The following SDHB variants were observed in gnomAD, a reference collection of about 807,000 sequenced individuals.
SDHB encodes succinate dehydrogenase complex iron sulfur subunit B, also known as succinate dehydrogenase [ubiquinone] iron-sulfur subunit, mitochondrial.
In SDHB, 21 loss-of-function variants were observed where a neutral mutation model predicts 39.7. The observed-to-expected ratio is 0.53, with a 90% confidence interval of 0.37 to 0.76. SDHB has a LOEUF of 0.76. Among genes scored for constraint, SDHB ranks in the 30% least tolerant of loss-of-function variants. The pLI, the probability that SDHB is intolerant of heterozygous loss-of-function variation, is 0.00. For missense variants in SDHB, 343 were observed against 350.9 expected, an observed-to-expected ratio of 0.98 and a Z score of 0.18; for synonymous variants, 118 against 117.0, an observed-to-expected ratio of 1.01 and a Z score of -0.06.
At chr1:17,043,043 C>A (rs4920290) in intron 2 of SDHB, among the ~76,000 whole-genome samples, 22,206 of 134,264 alleles carry the variant, frequency 0.17, 2,519 homozygotes, top group African/African-American at 0.34. Context: ...CTCACTGCAA[C>A]CTCCGCCTCC....
In SDHB at chr1:17,054,005, G is replaced by C. The variant is rs1182998682; in HGVS notation, c.15C>G (p.Val5=). Residue 5 remains valine, a synonymous_variant, in exon 1 of 8, where the codon GTC becomes GTG. Transcript: ENST00000375499. Reference sequence around the variant, plus strand: ...GCAACCGGCGCCTCAAGGAGAGGGCGACCACCGCCGCCATCTTGGCTCCTG... The same window carrying C: ...GCAACCGGCGCCTCAAGGAGAGGGCCACCACCGCCGCCATCTTGGCTCCTG... MAAV[V]ALSLRRRLPA... 1 of 1,610,660 alleles carries C rather than the reference G, an allele frequency of 6.2e-7. No individual in the cohort carries two copies.
intron 1 of SDHB, among the ~76,000 whole-genome samples, chr1:17,053,297 T>C (rs2078158741): frequency 6.6e-6 from 1 of 152,150 alleles, no homozygotes; most frequent in Non-Finnish European, 1.5e-5. Context: ...CGTATTATTA[T>C]ATGACCTTTA....
At chr1:17,020,431 A>G (rs780739879) in intron 7 of SDHB, among the ~76,000 whole-genome samples, 3 of 152,150 alleles carry the variant, frequency 2.0e-5, no homozygotes, top group Non-Finnish European at 4.4e-5. Flanking sequence ...TGATCGGCCT[A>G]TGTCTATGTC....
chr1:17,049,334 G>A (rs2078131679), intron 1 of SDHB, among the ~76,000 whole-genome samples: 1 of 151,212 alleles, frequency 6.6e-6, no homozygotes. Context: ...GTCTCATTCT[G>A]TTGCTCAGGC....
intron 1 of SDHB, among the ~76,000 whole-genome samples, chr1:17,046,268 A>G (rs984298887): frequency 1.3e-5 from 2 of 152,164 alleles, no homozygotes; most frequent in East Asian, 3.8e-4. Context: ...TGAACATCTA[A>G]TGCCACCTTG....
At chr1:17,052,440 C>T (rs992065519) in intron 1 of SDHB, 10 of 152,292 alleles carry the variant, frequency 6.6e-5, no homozygotes, top group African/African-American at 2.2e-4. Context: ...TTCTGTTGCC[C>T]TCAGGAGGCC....
intron 7 of SDHB, 130 bp downstream of exon 7, chr1:17,022,478 C>T: frequency 2.4e-6 from 3 of 1,275,652 alleles, no homozygotes; most frequent in Non-Finnish European, 3.4e-6. Context: ...ACTGAAAGGA[C>T]AGGCATATGC....
intron 1 of SDHB, among the ~76,000 whole-genome samples, chr1:17,053,425 T>A (rs557945197): frequency 6.6e-5 from 10 of 152,088 alleles, no homozygotes; most frequent in African/African-American, 2.4e-4. Context: ...GGGGGCTGGG[T>A]GCATTTCCCT....
chr1:17,035,677 G>A lies in SDHB; in HGVS notation c.201-2532C>T, dbSNP rs370977397. 1.8e-4 allele frequency among the ~76,000 whole-genome samples: 28 copies of A among 151,968 alleles called. No individual in the cohort carries two copies. In the South Asian group the frequency reaches 2.1e-3, roughly 11 times the overall value. On this transcript the variant is annotated intron_variant, in intron 2 of 7. Coordinates refer to ENST00000375499, the MANE Select transcript of SDHB (RefSeq NM_003000.3). ...GGAGATTGAGACCATCCTGGCTAAC[G>A]TGGTGAAACCGTCTCTACTAAAAAT...
At chr1:17,038,926 G>C (rs2078063981) in intron 2 of SDHB, among the ~76,000 whole-genome samples, 1 of 151,872 alleles carries the variant, frequency 6.6e-6, no homozygotes, top group Non-Finnish European at 1.5e-5. Flanking sequence ...CAATCAAATG[G>C]GTTTTCCCCC....
At chr1:17,026,790 A>G (rs1204906279) in intron 5 of SDHB, among the ~76,000 whole-genome samples, 8 of 152,096 alleles carry the variant, frequency 5.3e-5, no homozygotes, top group Non-Finnish European at 1.0e-4. Flanking sequence ...ATATATGTAT[A>G]TGTTTTAGAG....
chr1:17,038,927 GT>G (rs1334585441), intron 2 of SDHB, among the ~76,000 whole-genome samples: 1 of 151,984 alleles, frequency 6.6e-6, no homozygotes, highest in Non-Finnish European at 1.5e-5. Flanking sequence ...AATCAAATGG[GT>G]TTTCCCCCTT....
chr1:17,051,170 T>C (rs1238450058), intron 1 of SDHB, among the ~76,000 whole-genome samples: 2 of 152,232 alleles, frequency 1.3e-5, no homozygotes, highest in East Asian at 1.9e-4. Context: ...ATGATTTTTT[T>C]CCCCTTGTTA....
chr1:17,042,095 T>C (rs1395309520), intron 2 of SDHB, among the ~76,000 whole-genome samples: 1 of 152,028 alleles, frequency 6.6e-6, no homozygotes, highest in Non-Finnish European at 1.5e-5. Context: ...CTAATTTTTA[T>C]ATTTTTAGTA....
In SDHB at chr1:17,018,824, G is replaced by C; in HGVS notation, c.*57C>G. 1 of 1,233,290 alleles carries C rather than the reference G, an allele frequency of 8.1e-7. No homozygotes were observed. The highest frequency in any genetic ancestry group is 1.2e-6 in the Non-Finnish European group (1 of 835,522). The allele number at this position is 1,233,290 out of a possible 1,614,324, so 76.4% of individuals were successfully genotyped here. ...AAGATCTTTAAAGGAACTCAAATTA[G>C]ATATAAATTATGTTCAGCTCTGAGC... On this transcript the variant is annotated 3_prime_UTR_variant, in exon 8 of 8. Transcript: ENST00000375499.
At chr1:17,021,002 A>C (rs2077959350) in intron 7 of SDHB, among the ~76,000 whole-genome samples, 1 of 151,966 alleles carries the variant, frequency 6.6e-6, no homozygotes, top group African/African-American at 2.4e-5. Context: ...CCGCCCACTG[A>C]CTCACTGCAA....
In SDHB at chr1:17,019,705, G is replaced by C. The variant is rs559244758; in HGVS notation, c.766-747C>G. On this transcript the variant is annotated intron_variant, in intron 7 of 7. Coordinates refer to ENST00000375499, the MANE Select transcript of SDHB (RefSeq NM_003000.3). The stretch of plus-strand genomic sequence containing the variant: ...GTGTTGTGGAAAGAAAGAAGAAAAG[G>C]AAAGAAAGAAAAGAGATCTTGAGAG... Among the ~76,000 whole-genome samples, 4 of 152,064 alleles carry C rather than the reference G, an allele frequency of 2.6e-5. No individual in the cohort carries two copies. In the East Asian group the frequency reaches 7.7e-4, roughly 29 times the overall value.
Position 17,018,808 on chromosome 1 carries a change from A to T in SDHB, c.*73T>A. 9.1e-7 allele frequency: 1 copy of T among 1,095,328 alleles called. No individual in the cohort carries two copies. Among genetic ancestry groups the T allele is most frequent in the Non-Finnish European group, 1.4e-6 (1 of 711,512 alleles). 67.9% of individuals were successfully genotyped at this position (1,095,328 alleles called of 1,614,324 possible). A position where few individuals can be genotyped will look rare whatever the true frequency, so the allele number is the denominator to read the frequency against. ...GTATTCATGGAAAACCAAGATCTTT[A>T]AAGGAACTCAAATTAGATATAAATT... is the stretch of plus-strand genomic sequence containing the variant. On this transcript the variant is annotated 3_prime_UTR_variant, in exon 8 of 8. Transcript: ENST00000375499.
At chr1:17,053,477 G>C (rs1257982010) in intron 1 of SDHB, among the ~76,000 whole-genome samples, 1 of 151,960 alleles carries the variant, frequency 6.6e-6, no homozygotes, top group African/African-American at 2.4e-5. Context: ...CAATTCACAT[G>C]TCCTTTCCTC....
Sources: gnomAD v4.1 joint callset for allele counts (sites outside exome capture counted in the v4.1 genomes callset) on GRCh38, gnomAD v4.1.1 for gene constraint, MANE v1.5 for transcripts, NCBI Gene and HGNC (gene_info 2026-07-23, HGNC 2026-07-21) for gene names.